Variants in PARD3B observed in about 807,000 individuals in gnomAD.
PARD3B encodes partitioning defective 3 homolog B.
In PARD3B, 103 loss-of-function variants were observed where a neutral mutation model predicts 130.2. That is an observed-to-expected ratio of 0.79 (90% CI 0.67 to 0.93). The LOEUF (loss-of-function observed/expected upper bound fraction) is 0.93. Ranked by LOEUF, PARD3B falls within the 40% of genes least tolerant of loss-of-function variation. The pLI is 0.00. For synonymous variants in PARD3B, 583 were observed against 553.2 expected, an observed-to-expected ratio of 1.05 and a Z score of -0.76; for missense variants, 1,609 against 1,499.2, an observed-to-expected ratio of 1.07 and a Z score of -1.21.
At chr2:204,863,913 A>G (rs923769221) in intron 2 of PARD3B, among the ~76,000 whole-genome samples, 15 of 152,214 alleles carry the variant, frequency 9.9e-5, no homozygotes, top group African/African-American at 3.4e-4. Context: ...TGAAAATTGA[A>G]TTTGAACAAG....
chr2:205,107,862 A>G (rs1242070058), intron 5 of PARD3B, among the ~76,000 whole-genome samples: 3 of 152,242 alleles, frequency 2.0e-5, no homozygotes, highest in African/African-American at 7.2e-5. Context: ...TGGTTTTTTA[A>G]GAAAATTACA....
intron 22 of PARD3B, among the ~76,000 whole-genome samples, chr2:205,603,263 CT>C (rs2105764665): frequency 1.3e-5 from 2 of 152,242 alleles, no homozygotes; most frequent in Admixed American, 1.3e-4. Flanking sequence ...GCATGTCTTA[CT>C]TCCAGTTATG....
intron 11 of PARD3B, among the ~76,000 whole-genome samples, chr2:205,163,311 A>G (rs2034614924): frequency 6.6e-6 from 1 of 152,208 alleles, no homozygotes; most frequent in African/African-American, 2.4e-5. Context: ...ATTTAAGACT[A>G]TCAGTTATTC....
rs1175466776 is a variant in PARD3B, at chr2:205,559,413, C to T, written c.3260+6010C>T. ...AGCTTGCCTCAGCCTCCCAAAGTGC[C>T]GGGATTATAGGCATGAGCCACTATA... On this transcript the variant is annotated intron_variant, in intron 22 of 22. Transcript: ENST00000406610. 3.3e-5 allele frequency among the ~76,000 whole-genome samples: 5 copies of T among 150,920 alleles called. No individual in the cohort carries two copies. In the East Asian group the frequency reaches 5.9e-4, roughly 18 times the overall value.
At chr2:205,487,597 A>G (rs879840818) in intron 20 of PARD3B, among the ~76,000 whole-genome samples, 75 of 152,180 alleles carry the variant, frequency 4.9e-4, no homozygotes, top group African/African-American at 1.7e-3. Flanking sequence ...GCTGTTGGGA[A>G]TCAGTGGCCT....
In PARD3B at chr2:205,287,420, G is replaced by A. The variant is rs1037780149; in HGVS notation, c.2186-13110G>A. On this transcript the variant is annotated intron_variant, in intron 16 of 22. Coordinates refer to ENST00000406610, the MANE Select transcript of PARD3B (RefSeq NM_001302769.2). This position sits in a 1 kb window ranked among gnomAD's most constrained non-coding sequence, Gnocchi z 4.8. ...AGTTCTGGTTCCTCTCTTCAGACTT[G>A]ATTCTTACAGAAAAGCAAGATGGCT... 4.6e-5 allele frequency among the ~76,000 whole-genome samples: 7 copies of A among 152,160 alleles called. No individual in the cohort carries two copies. Among genetic ancestry groups the A allele is most frequent in the Non-Finnish European group, 1.0e-4 (7 of 68,032 alleles).
At chr2:205,136,810 G>A (rs1319008681) in intron 10 of PARD3B, among the ~76,000 whole-genome samples, 4 of 152,164 alleles carry the variant, frequency 2.6e-5, no homozygotes, top group Admixed American at 6.5e-5. Flanking sequence ...AAAGGTTGAT[G>A]TTCAGAAGAA....
chr2:205,607,878 A>T (rs2055070663), intron 22 of PARD3B, among the ~76,000 whole-genome samples: 2 of 150,764 alleles, frequency 1.3e-5, no homozygotes, highest in Non-Finnish European at 3.0e-5. Flanking sequence ...ACACACACAC[A>T]CAGAGGCATG....
Position 205,615,795 on chromosome 2 carries a change from C to T in PARD3B, c.3600C>T (p.Pro1200=), listed in dbSNP as rs991841788. The T allele has an allele frequency of 1.9e-6, 3 of 1,613,356 alleles. No homozygotes were observed. The highest frequency in any genetic ancestry group is 2.7e-5 in the African/African-American group (2 of 74,912). ...CCCAGGATTCCCGGCAGAAGAACCCCATGACTGCAGCCGTATAGCTGAGTG... is the reference window on the plus strand; with the variant it reads ...CCCAGGATTCCCGGCAGAAGAACCCTATGACTGCAGCCGTATAGCTGAGTG... The part of the protein sequence containing the change: ...YRTQDSRQKN[P]MTAAV Residue 1200 remains proline (P), a synonymous_variant, in exon 23 of 23, where the codon CCC becomes CCT. Coordinates refer to ENST00000406610, the MANE Select transcript of PARD3B (RefSeq NM_001302769.2).
At chr2:204,992,276 A>C (rs1423972640) in intron 3 of PARD3B, among the ~76,000 whole-genome samples, 3 of 142,888 alleles carry the variant, frequency 2.1e-5, no homozygotes, top group Non-Finnish European at 4.6e-5. Context: ...GAAGGGATCC[A>C]GTTTCAGCTT....
intron 18 of PARD3B, among the ~76,000 whole-genome samples, chr2:205,349,822 A>ATTT (rs1364456491): frequency 0.097 from 3,495 of 36,100 alleles, 124 homozygotes; most frequent in African/African-American, 0.17. Context: ...TTTTTTTTTA[A>ATTT]AAAAAGAGGA....
At chr2:204,775,416 G>C (rs1359443371) in intron 2 of PARD3B, among the ~76,000 whole-genome samples, 1 of 152,102 alleles carries the variant, frequency 6.6e-6, no homozygotes, top group East Asian at 1.9e-4. Context: ...TTAACAAAAT[G>C]TTATCTCTTT....
intron 15 of PARD3B, among the ~76,000 whole-genome samples, chr2:205,208,703 C>T (rs1426269222): frequency 2.8e-5 from 4 of 144,644 alleles, no homozygotes; most frequent in African/African-American, 1.1e-4. Flanking sequence ...CAAACCACTG[C>T]TCAATGAAAT....
At position 205,590,146 on chromosome 2, in the gene PARD3B, C is replaced by A. The variant is rs564828469; in HGVS notation, c.3261-25310C>A. Reference sequence around the variant, plus strand: ...TTATTGTTCTCTCTACATATTATTCCGATGCTTTATTTATCCAATACAGGA... The same window carrying A: ...TTATTGTTCTCTCTACATATTATTCAGATGCTTTATTTATCCAATACAGGA... On this transcript the variant is annotated intron_variant, in intron 22 of 22. Transcript: ENST00000406610. The surrounding 1 kb of genome is among the most constrained non-coding windows in gnomAD (Gnocchi z 4.1). 2.6e-5 allele frequency among the ~76,000 whole-genome samples: 4 copies of A among 152,076 alleles called. No homozygotes were observed. Among genetic ancestry groups the A allele is most frequent in the African/African-American group, 9.7e-5 (4 of 41,390 alleles).
chr2:204,557,898 T>A (rs1433502423), intron 1 of PARD3B: 1 of 152,254 alleles, frequency 6.6e-6, no homozygotes, highest in Non-Finnish European at 1.5e-5. Flanking sequence ...TTTTGCTTCA[T>A]GCAGGTTTGT....
chr2:205,053,497 A>G (rs1170811386), intron 4 of PARD3B, among the ~76,000 whole-genome samples: 4 of 151,946 alleles, frequency 2.6e-5, no homozygotes, highest in Middle Eastern at 3.4e-3. Context: ...AAAATTATCC[A>G]GGCTTGGTGG....
intron 4 of PARD3B, among the ~76,000 whole-genome samples, chr2:205,103,386 A>T (rs1411057213): frequency 3.3e-4 from 14 of 41,892 alleles, no homozygotes; most frequent in South Asian, 9.5e-4. Flanking sequence ...ATAAATATTT[A>T]TATAAATTAT....
intron 2 of PARD3B, among the ~76,000 whole-genome samples, chr2:204,784,858 C>T (rs1419207795): frequency 6.6e-6 from 1 of 152,154 alleles, no homozygotes; most frequent in East Asian, 1.9e-4. Context: ...AATGATTTAA[C>T]ATTTGATTTA....
Position 204,588,319 on chromosome 2 carries a change from T to G in PARD3B, c.120+42200T>G, listed in dbSNP as rs186076356. 3.2e-3 allele frequency among the ~76,000 whole-genome samples: 481 copies of G among 152,324 alleles called. 5 individuals carry two copies. The highest frequency in any genetic ancestry group is 0.011 in the African/African-American group (453 of 41,574). On this transcript the variant is annotated intron_variant, in intron 1 of 22. Coordinates refer to ENST00000406610, the MANE Select transcript of PARD3B (RefSeq NM_001302769.2). ...GTAATGAGATAAAGGTGGCCTGTAA[T>G]AAAACAGTGCTTTTTAATATTGAAG...
Sources: gnomAD v4.1 joint callset for allele counts (sites outside exome capture counted in the v4.1 genomes callset) on GRCh38, gnomAD v4.1.1 for gene constraint, Gnocchi (gnomAD v3.1) non-coding constraint, MANE v1.5 for transcripts, NCBI Gene and HGNC (gene_info 2026-07-23, HGNC 2026-07-21) for gene names.